Variants in NEMF observed in about 807,000 individuals in gnomAD.
The protein encoded by NEMF is nuclear export mediator factor.
In NEMF, 89 loss-of-function variants were observed where a neutral mutation model predicts 162.2. The observed-to-expected ratio is 0.55, with a 90% confidence interval of 0.46 to 0.65. The LOEUF (loss-of-function observed/expected upper bound fraction) is 0.65, where lower values mean the gene tolerates loss of function less well. Among genes scored for constraint, NEMF ranks in the 30% least tolerant of loss-of-function variants. NEMF has a pLI of 0.00. For missense variants in NEMF, 1,133 were observed against 1,261.9 expected, an observed-to-expected ratio of 0.90 and a Z score of 1.55; for synonymous variants, 421 against 404.5, an observed-to-expected ratio of 1.04 and a Z score of -0.49.
At chr14:49,840,941 A>C in intron 4 of NEMF, 75 bp from the exon 5 acceptor site, 16 of 1,362,256 alleles carry the variant, frequency 1.2e-5, no homozygotes, top group Non-Finnish European at 1.5e-5. Flanking sequence ...TCACACCTGT[A>C]ACCCCAGCAC....
intron 16 of NEMF, among the ~76,000 whole-genome samples, chr14:49,822,440 G>A (rs1457241795): frequency 6.6e-6 from 1 of 151,424 alleles, no homozygotes; most frequent in Non-Finnish European, 1.5e-5. Context: ...AGAATCCCTT[G>A]AGCCTGGGAG....
chr14:49,820,271 G>C, intron 16 of NEMF: 1 of 367,216 alleles, frequency 2.7e-6, no homozygotes, highest in Non-Finnish European at 5.5e-6. Context: ...TTGACAGCAG[G>C]CAAGTGTCTG....
chr14:49,789,604 A>G (rs1235050458), intron 26 of NEMF, 31 bp from the exon 27 acceptor site: 2 of 1,590,344 alleles, frequency 1.3e-6, no homozygotes, highest in Non-Finnish European at 1.7e-6. Flanking sequence ...GGTTGGAAAT[A>G]TTCAGCAGCA....
intron 18 of NEMF, among the ~76,000 whole-genome samples, chr14:49,810,426 T>C (rs967020044): frequency 6.6e-6 from 1 of 152,032 alleles, no homozygotes; most frequent in Admixed American, 6.6e-5. Context: ...TCTATCCCCA[T>C]TGGTCTTGGC....
Position 49,782,655 on chromosome 14 carries a change from C to A in NEMF, c.*1981G>T. On this transcript the variant is annotated 3_prime_UTR_variant, in exon 33 of 33. Transcript: ENST00000298310. ...AAATTGTGTTTCCTAAGACTTAGCA[C>A]TCTCGAAAAACTAGGTTTATGGATT... 1 of 1,433,772 alleles carries A rather than the reference C, an allele frequency of 7.0e-7. No homozygotes were observed. The highest frequency in any genetic ancestry group is 9.5e-7 in the Non-Finnish European group (1 of 1,047,450). 88.8% of individuals were successfully genotyped at this position (1,433,772 alleles called of 1,614,324 possible). A position where few individuals can be genotyped will look rare whatever the true frequency, so the allele number is the denominator to read the frequency against.
Position 49,840,704 on chromosome 14 carries a change from A to G in NEMF, c.506+14T>C. On this transcript the variant is annotated intron_variant, in intron 5 of 32. Transcript: ENST00000298310. ...AATACAATACGAAATGGGTTTAAAA[A>G]CAAAACACTTTACCTTTCCAAAGTA... The G allele has an allele frequency of 6.2e-7, 1 of 1,604,858 alleles. No homozygotes were observed. The highest frequency in any genetic ancestry group is 8.5e-7 in the Non-Finnish European group (1 of 1,177,328).
rs143624357 is a variant in NEMF, at chr14:49,785,239, T to C, written c.3010A>G (p.Thr1004Ala). The C allele has an allele frequency of 2.9e-5, 47 of 1,613,694 alleles. No individual in the cohort carries two copies. The African/African-American group carries it at 5.7e-4, about 20-fold the overall frequency. The change falls in exon 30 of 33, where the codon ACC becomes GCC. Residue 1004 changes from threonine to alanine, a missense_variant. Transcript: ENST00000298310. Reference sequence around the variant, plus strand: ...ACTTACTTGTAGTTTGTCATGGTGGTGTAAGGGGCACATATTGGAATGGCA... The same window carrying C: ...ACTTACTTGTAGTTTGTCATGGTGGCGTAAGGGGCACATATTGGAATGGCA... ...LFAIPICAPY[T>A]TMTNYKYKVK...
chr14:49,808,349 T>C (rs1891318521), intron 18 of NEMF, among the ~76,000 whole-genome samples: 1 of 152,008 alleles, frequency 6.6e-6, no homozygotes, highest in African/African-American at 2.4e-5. Flanking sequence ...ATTTTTCATA[T>C]TTTTTAGTTG....
chr14:49,828,605 AAATG>A lies in NEMF; in HGVS notation c.1424+7_1424+10del. Reference sequence around the variant, plus strand: ...AACACTTGGCCTAAAATGTAAAGTTAAATGACTTACTTTTTGGCATTGGCATATG... The same window carrying A: ...AACACTTGGCCTAAAATGTAAAGTTAACTTACTTTTTGGCATTGGCATATG... On this transcript the variant is annotated splice_region_variant and intron_variant, in intron 14 of 32. Transcript: ENST00000298310. 1 of 1,531,132 alleles carries A rather than the reference AAATG, an allele frequency of 6.5e-7. No individual in the cohort carries two copies. The highest frequency in any genetic ancestry group is 1.3e-5 in the South Asian group (1 of 76,612). 94.8% of individuals were successfully genotyped at this position (1,531,132 alleles called of 1,614,324 possible).
At position 49,782,198 on chromosome 14, in the gene NEMF, TATTG is replaced by T. The variant is rs1354728713; in HGVS notation, c.*2434_*2437del. On this transcript the variant is annotated 3_prime_UTR_variant, in exon 33 of 33. Transcript: ENST00000298310. ...GAAAATAATATCCAGATAAAATAGA[TATTG>T]ATTGATCTGCTTTTGCTACTTTCCC... The T allele has an allele frequency of 7.3e-6, 4 of 544,448 alleles. No homozygotes were observed. Among genetic ancestry groups the T allele is most frequent in the Non-Finnish European group, 9.8e-6 (3 of 305,144 alleles). 33.7% of individuals were successfully genotyped at this position (544,448 alleles called of 1,614,324 possible). A position where few individuals can be genotyped will look rare whatever the true frequency, so the allele number is the denominator to read the frequency against.
intron 18 of NEMF, among the ~76,000 whole-genome samples, chr14:49,809,512 T>C (rs1473505995): frequency 6.6e-6 from 1 of 152,100 alleles, no homozygotes; most frequent in Non-Finnish European, 1.5e-5. Flanking sequence ...TGTATGATAA[T>C]ACAATGGCAG....
chr14:49,831,771 T>A (rs1892650690), intron 10 of NEMF, among the ~76,000 whole-genome samples: 1 of 152,220 alleles, frequency 6.6e-6, no homozygotes, highest in Non-Finnish European at 1.5e-5. Flanking sequence ...TTGTGTTTCA[T>A]AACACCACTC....
intron 4 of NEMF, 71 bp downstream of exon 4, chr14:49,846,069 T>C: frequency 7.5e-7 from 1 of 1,339,606 alleles, no homozygotes; most frequent in Non-Finnish European, 1.0e-6. Flanking sequence ...CCCCCACTCA[T>C]GTTATATAGC....
intron 26 of NEMF, among the ~76,000 whole-genome samples, chr14:49,794,910 G>A (rs1212318925): frequency 6.6e-6 from 1 of 151,748 alleles, no homozygotes; most frequent in African/African-American, 2.4e-5. Context: ...GTAGAGATAG[G>A]GTTCACCATG....
intron 1 of NEMF, among the ~76,000 whole-genome samples, chr14:49,852,298 T>G (rs989308592): frequency 2.0e-5 from 3 of 152,212 alleles, no homozygotes; most frequent in African/African-American, 7.2e-5. Context: ...CGCGATGCTC[T>G]CTCTCTCTCT....
At chr14:49,851,712 C>A in intron 2 of NEMF, 47 bp from the exon 3 acceptor site, 1 of 1,519,948 alleles carries the variant, frequency 6.6e-7, no homozygotes, top group Non-Finnish European at 9.1e-7. Context: ...TATGCCAAAG[C>A]TAATTGCTAA....
intron 20 of NEMF, among the ~76,000 whole-genome samples, 190 bp from the exon 21 acceptor site, chr14:49,802,917 A>T (rs1290716622): frequency 6.6e-6 from 1 of 152,196 alleles, no homozygotes; most frequent in Non-Finnish European, 1.5e-5. Flanking sequence ...AGAAGTAAAA[A>T]ATATACACAC....
intron 4 of NEMF, among the ~76,000 whole-genome samples, chr14:49,845,540 C>CA (rs778701282): frequency 2.0e-5 from 3 of 152,204 alleles, no homozygotes; most frequent in Admixed American, 6.5e-5. Flanking sequence ...CTTGTAATAA[C>CA]ACTTAGCTTA....
intron 11 of NEMF, among the ~76,000 whole-genome samples, chr14:49,830,431 T>C (rs1892578722): frequency 6.6e-6 from 1 of 152,210 alleles, no homozygotes; most frequent in African/African-American, 2.4e-5. Context: ...TCTCACTCTG[T>C]CACCCAGGCT....
Sources: gnomAD v4.1 joint callset for allele counts (sites outside exome capture counted in the v4.1 genomes callset) on GRCh38, gnomAD v4.1.1 for gene constraint, MANE v1.5 for transcripts, NCBI Gene and HGNC (gene_info 2026-07-23, HGNC 2026-07-21) for gene names.